The following VIPR2 variants were observed in gnomAD, a reference collection of about 807,000 sequenced individuals.
The protein encoded by VIPR2 is vasoactive intestinal polypeptide receptor 2.
VIPR2 carries 48 observed loss-of-function variants against 58.0 expected under a neutral mutation model. The observed-to-expected ratio is 0.83, with a 90% CI of 0.66 to 1.05. The LOEUF (loss-of-function observed/expected upper bound fraction) is 1.05. VIPR2 is among the 50% of genes least tolerant of loss of function. The pLI, the probability that VIPR2 is intolerant of heterozygous loss-of-function variation, is 0.00. For missense variants in VIPR2, 534 were observed against 558.0 expected (o/e 0.96, Z 0.43); for synonymous variants, 243 against 235.2 (o/e 1.03, Z -0.30).
At position 159,093,644 on chromosome 7, in the gene VIPR2, C is replaced by T. The variant is rs1014213239; in HGVS notation, c.357+10113G>A. Among the ~76,000 whole-genome samples, 1 of 152,182 alleles carries T rather than the reference C, an allele frequency of 6.6e-6. No individual in the cohort carries two copies. Among genetic ancestry groups the T allele is most frequent in the African/African-American group, 2.4e-5 (1 of 41,458 alleles). ...ACCCACAACAAGCAGGTGCCCACAG[C>T]GTCCCTGGGTCCAGACATGGAAGAC... On this transcript the variant is annotated intron_variant, in intron 4 of 12. Coordinates refer to ENST00000262178, the MANE Select transcript of VIPR2 (RefSeq NM_003382.5). The surrounding 1 kb of genome is among the most constrained non-coding windows in gnomAD (Gnocchi z 6.7).
At chr7:159,117,462 A>C in intron 2 of VIPR2, 1 of 714,636 alleles carries the variant, frequency 1.4e-6, no homozygotes, top group Non-Finnish European at 2.6e-6. Context: ...CACCACACAA[A>C]GGCAATGCAG....
chr7:159,110,486 A>AATGT lies in VIPR2; in HGVS notation c.152-571_152-568dup, dbSNP rs1450813354. On this transcript the variant is annotated intron_variant, in intron 2 of 12. Coordinates refer to ENST00000262178, the MANE Select transcript of VIPR2 (RefSeq NM_003382.5). ...CCACCTGGTGAAGGTTAGATATAAA[A>AATGT]ATGTTGCATTAATTATCTTCCAGAT... Among the ~76,000 whole-genome samples the AATGT allele has an allele frequency of 2.0e-5, 3 of 152,328 alleles. No homozygotes were observed. The South Asian group carries it at 6.2e-4, about 32-fold the overall frequency.
chr7:159,112,355 G>A (rs1251254952), intron 2 of VIPR2, among the ~76,000 whole-genome samples: 3 of 152,230 alleles, frequency 2.0e-5, no homozygotes, highest in African/African-American at 4.8e-5. Context: ...AAGTGCAGCC[G>A]AAGGCGCAGC....
chr7:159,132,727 A>G (rs532464859), intron 2 of VIPR2, among the ~76,000 whole-genome samples: 9 of 152,214 alleles, frequency 5.9e-5, no homozygotes, highest in Admixed American at 3.3e-4. Context: ...GAGTATCTGC[A>G]AACCACGCAA....
chr7:159,089,560 TAAC>T (rs1180181676), intron 4 of VIPR2, among the ~76,000 whole-genome samples: 1 of 152,274 alleles, frequency 6.6e-6, no homozygotes, highest in Non-Finnish European at 1.5e-5. Context: ...AGTAAGCCCT[TAAC>T]AACAACTATT....
chr7:159,140,946 T>A (rs566294379), intron 2 of VIPR2, among the ~76,000 whole-genome samples: 10 of 152,196 alleles, frequency 6.6e-5, no homozygotes, highest in Admixed American at 4.6e-4. Context: ...CTTTTTTTTT[T>A]AATGTATTGT....
chr7:159,079,640 G>A (rs1365447119), intron 4 of VIPR2, among the ~76,000 whole-genome samples: 19 of 152,206 alleles, frequency 1.2e-4, no homozygotes, highest in African/African-American at 4.1e-4. Context: ...AGGAAATAGA[G>A]ACACAAAAAA....
At chr7:159,130,877 A>G (rs1796883803) in intron 2 of VIPR2, among the ~76,000 whole-genome samples, 1 of 152,202 alleles carries the variant, frequency 6.6e-6, no homozygotes, top group Admixed American at 6.5e-5. Context: ...CTGGGATGGG[A>G]GGAAGGTTGC....
intron 4 of VIPR2, among the ~76,000 whole-genome samples, chr7:159,072,138 A>G (rs147994753): frequency 1.5e-5 from 2 of 137,044 alleles, no homozygotes; most frequent in Non-Finnish European, 3.0e-5. Flanking sequence ...AACATACATC[A>G]CTAGACTGGC....
chr7:159,081,546 A>T (rs1407172604), intron 4 of VIPR2, among the ~76,000 whole-genome samples: 1 of 152,256 alleles, frequency 6.6e-6, no homozygotes, highest in Non-Finnish European at 1.5e-5. Context: ...ACCATTGAGG[A>T]CATAGGCATG....
At chr7:159,114,401 GAAAC>G (rs1016921688) in intron 2 of VIPR2, among the ~76,000 whole-genome samples, 4 of 152,114 alleles carry the variant, frequency 2.6e-5, no homozygotes, top group African/African-American at 9.7e-5. Context: ...GATGGAGTGA[GAAAC>G]AAACAAAAGT....
rs968225983 is a variant in VIPR2, at chr7:159,102,037, G to A, written c.357+1720C>T. On this transcript the variant is annotated intron_variant, in intron 4 of 12. Coordinates refer to ENST00000262178, the MANE Select transcript of VIPR2 (RefSeq NM_003382.5). ...ACGAGGCAGTTCCGACTGTTCCTGTGATAGTGAACGGGTCTCACGAGATCC... is the reference window on the plus strand; with the variant it reads ...ACGAGGCAGTTCCGACTGTTCCTGTAATAGTGAACGGGTCTCACGAGATCC... Among the ~76,000 whole-genome samples the A allele has an allele frequency of 4.2e-5, 5 of 118,890 alleles. 1 individual carries two copies. Among genetic ancestry groups the A allele is most frequent in the Admixed American group, 3.4e-4 (4 of 11,888 alleles). The allele number at this position is 118,890 out of a possible 152,430, so 78.0% of individuals were successfully genotyped here. A position where few individuals can be genotyped will look rare whatever the true frequency, so the allele number is the denominator to read the frequency against.
At chr7:159,052,525 T>C (rs1451370200) in intron 5 of VIPR2, among the ~76,000 whole-genome samples, 3 of 152,144 alleles carry the variant, frequency 2.0e-5, no homozygotes, top group African/African-American at 7.2e-5. Flanking sequence ...CTCCAAAAAA[T>C]AGAAAAGAGA....
At chr7:159,124,621 T>C (rs576827203) in intron 2 of VIPR2, among the ~76,000 whole-genome samples, 245 of 152,346 alleles carry the variant, frequency 1.6e-3, no homozygotes, top group Admixed American at 5.2e-3. Flanking sequence ...GTCTTAGCTA[T>C]GTGGGCTCTT....
chr7:159,048,833 G>A (rs557656319), intron 5 of VIPR2, among the ~76,000 whole-genome samples: 20 of 152,242 alleles, frequency 1.3e-4, no homozygotes, highest in Non-Finnish European at 2.6e-4. Context: ...CACAGCCAGC[G>A]TGCACTCAGC....
At chr7:159,092,459 C>T (rs535861393) in intron 4 of VIPR2, among the ~76,000 whole-genome samples, 3 of 152,268 alleles carry the variant, frequency 2.0e-5, no homozygotes, top group South Asian at 2.1e-4. Context: ...GGGTTCTGGT[C>T]TGGCACTGCC....
chr7:159,068,469 C>T (rs1451766942), intron 4 of VIPR2, among the ~76,000 whole-genome samples: 3 of 152,248 alleles, frequency 2.0e-5, no homozygotes, highest in Non-Finnish European at 4.4e-5. Flanking sequence ...GGGCTCAATG[C>T]AGGAAGAGGG....
At chr7:159,132,694 C>T (rs1326796474) in intron 2 of VIPR2, among the ~76,000 whole-genome samples, 37 of 152,030 alleles carry the variant, frequency 2.4e-4, no homozygotes, top group Non-Finnish European at 3.5e-4. Flanking sequence ...CACGGACGGG[C>T]TCATTCAAGA....
rs1043154506 is a variant in VIPR2 at position 159,031,540 on chromosome 7, C to T, written c.1143+288G>A. On this transcript the variant is annotated intron_variant, in intron 12 of 12. Coordinates refer to ENST00000262178, the MANE Select transcript of VIPR2 (RefSeq NM_003382.5). This position sits in a 1 kb window ranked among gnomAD's most constrained non-coding sequence, Gnocchi z 4.0. Reference sequence around the variant, plus strand: ...CGCCGACCATGGGGAAAAACAGATTCTGTCTAGACCCGGCCGGGAGCTTTC... The same window carrying T: ...CGCCGACCATGGGGAAAAACAGATTTTGTCTAGACCCGGCCGGGAGCTTTC... The T allele has an allele frequency of 6.1e-6, 6 of 985,256 alleles. No homozygotes were observed. The African/African-American group carries it at 8.7e-5, about 14-fold the overall frequency. 61.0% of individuals were successfully genotyped at this position (985,256 alleles called of 1,614,324 possible).
Sources: gnomAD v4.1 joint callset for allele counts (sites outside exome capture counted in the v4.1 genomes callset) on GRCh38, gnomAD v4.1.1 for gene constraint, Gnocchi (gnomAD v3.1) non-coding constraint, MANE v1.5 for transcripts, NCBI Gene and HGNC (gene_info 2026-07-23, HGNC 2026-07-21) for gene names.